The following TSC22D4 variants were observed in gnomAD, a reference collection of about 807,000 sequenced individuals.
The protein encoded by TSC22D4 is TSC22 domain family member 4.
In TSC22D4, 5 loss-of-function variants were observed where a neutral mutation model predicts 24.9. That is an observed-to-expected ratio of 0.20 (90% CI 0.10 to 0.42). The LOEUF (loss-of-function observed/expected upper bound fraction) is 0.42. TSC22D4 is among the 10% of genes least tolerant of loss of function. The probability of loss-of-function intolerance (pLI) is 1.00; values close to 1 mark genes in which losing one functional copy is unlikely to be tolerated. For synonymous variants in TSC22D4, 245 were observed against 243.2 expected, an observed-to-expected ratio of 1.01 and a Z score of -0.07; for missense variants, 469 against 547.9, an observed-to-expected ratio of 0.86 and a Z score of 1.44.
intron 3 of TSC22D4, among the ~76,000 whole-genome samples, chr7:100,473,445 T>G (rs1799429906): frequency 6.6e-6 from 1 of 151,876 alleles, no homozygotes; most frequent in Non-Finnish European, 1.5e-5. Context: ...CAGTTTTTTT[T>G]GTTGTTTTTT....
Position 100,477,617 on chromosome 7 carries a change from G to A in TSC22D4, c.422C>T (p.Pro141Leu), listed in dbSNP as rs758778059. 25 of 1,598,238 alleles carry A rather than the reference G, an allele frequency of 1.6e-5. No homozygotes were observed. The highest frequency in any genetic ancestry group is 1.7e-4 in the Middle Eastern group (1 of 6,040). Residue 141 changes from proline (P) to leucine (L), a missense_variant, in exon 2 of 5, where the codon CCG becomes CTG. Coordinates refer to ENST00000300181, the MANE Select transcript of TSC22D4 (RefSeq NM_030935.5). This position sits in a 1 kb window ranked among gnomAD's most constrained non-coding sequence, Gnocchi z 7.8. ...GGTGGGGCCCTGAGACAGGCCTGAC[G>A]GTGGGGTGGGGGCGCCCAGGCCGAG... ...ASLGLGAPTP[P>L]SGLSQGPTSW... is the part of the protein sequence containing the mutation.
At chr7:100,469,366 G>A (rs765790097) in intron 3 of TSC22D4, among the ~76,000 whole-genome samples, 6 of 152,134 alleles carry the variant, frequency 3.9e-5, no homozygotes, top group Non-Finnish European at 5.9e-5. Context: ...CTTGGAAGAG[G>A]GCTGGGAGTC....
intron 3 of TSC22D4, among the ~76,000 whole-genome samples, chr7:100,469,071 C>T (rs1467775571): frequency 6.7e-6 from 1 of 149,236 alleles, no homozygotes; most frequent in African/African-American, 2.5e-5. Flanking sequence ...ACTAAAAGTA[C>T]AAAAAATTAG....
intron 3 of TSC22D4, among the ~76,000 whole-genome samples, chr7:100,470,356 G>A (rs1160159669): frequency 1.3e-5 from 2 of 152,164 alleles, no homozygotes; most frequent in African/African-American, 2.4e-5. Flanking sequence ...GCAATGGCGG[G>A]ATTTTCCCTC....
chr7:100,478,228 G>A lies in TSC22D4; in HGVS notation c.-190C>T, dbSNP rs1799547891. The A allele has an allele frequency of 1.0e-5, 6 of 573,756 alleles. No individual in the cohort carries two copies. Among genetic ancestry groups the A allele is most frequent in the Non-Finnish European group, 1.8e-5 (6 of 324,406 alleles). The allele number at this position is 573,756 out of a possible 1,614,324, so 35.5% of individuals were successfully genotyped here. ...TGCTGGGTGAGGGGAGAAGAGGAGA[G>A]GGGAGGTGGCGGGAGGGGGGAGCAG... is the stretch of plus-strand genomic sequence containing the variant. On this transcript the variant is annotated 5_prime_UTR_variant, in exon 2 of 5. Transcript: ENST00000300181.
rs765640968 is a variant in TSC22D4, at chr7:100,467,049, G to A, written c.1098C>T (p.Arg366=). The A allele has an allele frequency of 2.6e-5, 42 of 1,613,556 alleles. No individual in the cohort carries two copies. Among genetic ancestry groups the A allele is most frequent in the Middle Eastern group, 1.6e-4 (1 of 6,078 alleles). ...AALEQENGLL[R]ALASPEQLAQ... is the part of the protein sequence containing the mutation. Reference sequence around the variant, plus strand: ...CCAGCTGCTCCGGGCTGGCCAGGGCGCGCAGCAGCCCATTCTCCTGCTCCA... The same window carrying A: ...CCAGCTGCTCCGGGCTGGCCAGGGCACGCAGCAGCCCATTCTCCTGCTCCA... Residue 366 remains arginine (R), a synonymous_variant, in exon 5 of 5, where the codon CGC becomes CGT. Coordinates refer to ENST00000300181, the MANE Select transcript of TSC22D4 (RefSeq NM_030935.5).
rs143908452 is a variant in TSC22D4, at chr7:100,467,086, C to T, written c.1061G>A (p.Arg354Gln). Reference protein sequence around the residue: ...LKEQIRELAERNAALEQENGL... With the variant: ...LKEQIRELAEQNAALEQENGL... ...ATTCTCCTGCTCCAGCGCAGCGTTC[C>T]GCTCCGCCAATTCCCGGATCTGCTC... Residue 354 changes from arginine (R) to glutamine (Q), a missense_variant, in exon 5 of 5, where the codon CGG becomes CAG. Transcript: ENST00000300181. 69 of 1,614,116 alleles carry T rather than the reference C, an allele frequency of 4.3e-5. No homozygotes were observed. The highest frequency in any genetic ancestry group is 1.6e-4 in the Middle Eastern group (1 of 6,062).
chr7:100,478,064 A>T lies in TSC22D4; in HGVS notation c.-26T>A. 2 of 1,574,678 alleles carry T rather than the reference A, an allele frequency of 1.3e-6. No individual in the cohort carries two copies. Among genetic ancestry groups the T allele is most frequent in the South Asian group, 2.3e-5 (2 of 85,574 alleles). On this transcript the variant is annotated 5_prime_UTR_variant, in exon 2 of 5. Transcript: ENST00000300181. ...GGTCCCTGGGGCTCAGGGCTGGGCC[A>T]AGGTTGGGGGTGGGTTGGGGCTCCT... is the stretch of plus-strand genomic sequence containing the variant.
At chr7:100,478,614 C>A (rs1416999605) in intron 1 of TSC22D4, among the ~76,000 whole-genome samples, 180 bp downstream of exon 1, 1 of 152,056 alleles carries the variant, frequency 6.6e-6, no homozygotes, top group Non-Finnish European at 1.5e-5. Context: ...CCCGTATTGT[C>A]CCAAGAGCTC....
intron 3 of TSC22D4, among the ~76,000 whole-genome samples, chr7:100,473,453 T>G (rs544775850): frequency 2.0e-5 from 3 of 151,958 alleles, no homozygotes; most frequent in Non-Finnish European, 4.4e-5. Context: ...TTTGTTGTTT[T>G]TTTTTTGAGG....
chr7:100,471,313 T>C (rs7794485), intron 3 of TSC22D4, among the ~76,000 whole-genome samples: 22,358 of 152,046 alleles, frequency 0.15, 1,943 homozygotes, highest in Non-Finnish European at 0.19. Flanking sequence ...TTGTAGACCA[T>C]TGCCGCCACC....
At position 100,477,889 on chromosome 7, in the gene TSC22D4, G is replaced by A. The variant is rs377683908; in HGVS notation, c.150C>T (p.Pro50=). The part of the protein sequence containing the change: ...PPRLPNGEPS[P]DPGGKGTPRN... ...GGGGGGTGCCCTTGCCCCCCGGATCGGGGCTGGGCTCCCCATTGGGCAGGC... is the reference window on the plus strand; with the variant it reads ...GGGGGGTGCCCTTGCCCCCCGGATCAGGGCTGGGCTCCCCATTGGGCAGGC... The change falls in exon 2 of 5, where the codon CCC becomes CCT. Residue 50 remains proline (P), a synonymous_variant. Transcript: ENST00000300181. The surrounding 1 kb of genome is among the most constrained non-coding windows in gnomAD (Gnocchi z 7.8). 4.9e-5 allele frequency: 77 copies of A among 1,573,288 alleles called. 1 individual carries two copies. In the South Asian group the frequency reaches 6.2e-4, roughly 13 times the overall value.
In TSC22D4 at chr7:100,466,524, G is replaced by A. The variant is rs1799279895; in HGVS notation, c.*435C>T. The A allele has an allele frequency of 1.3e-5, 2 of 159,004 alleles. No homozygotes were observed. The highest frequency in any genetic ancestry group is 2.7e-5 in the Non-Finnish European group (2 of 72,956). 9.8% of individuals were successfully genotyped at this position (159,004 alleles called of 1,614,324 possible). The stretch of plus-strand genomic sequence containing the variant: ...ACGAGATGTCAACCTCCAAATTCAA[G>A]TTTCTTCAGAGTTTTTAATTATTAT... On this transcript the variant is annotated 3_prime_UTR_variant, in exon 5 of 5. Coordinates refer to ENST00000300181, the MANE Select transcript of TSC22D4 (RefSeq NM_030935.5).
At chr7:100,473,086 G>A (rs1007529038) in intron 3 of TSC22D4, among the ~76,000 whole-genome samples, 8 of 152,164 alleles carry the variant, frequency 5.3e-5, no homozygotes, top group African/African-American at 1.9e-4. Flanking sequence ...GGCTATCTCT[G>A]ACTCACGATT....
At chr7:100,467,193 C>T (rs528201425) in intron 4 of TSC22D4, 25 bp from the exon 5 acceptor site, 7 of 1,611,972 alleles carry the variant, frequency 4.3e-6, no homozygotes, top group South Asian at 3.3e-5. Context: ...ACAGGCACAG[C>T]GTCAACGGGG....
In TSC22D4 at chr7:100,470,583, G is replaced by C. The variant is rs193008183; in HGVS notation, c.930-2983C>G. ...CTCCCATCTCAGTCCTGGGATTACA[G>C]GTGTGAGTCACTGTGCCAGGCCTCT... On this transcript the variant is annotated intron_variant, in intron 3 of 4. Transcript: ENST00000300181. Among the ~76,000 whole-genome samples, 9 of 152,294 alleles carry C rather than the reference G, an allele frequency of 5.9e-5. No individual in the cohort carries two copies. The East Asian group carries it at 1.4e-3, about 23-fold the overall frequency.
intron 3 of TSC22D4, among the ~76,000 whole-genome samples, chr7:100,471,712 C>T (rs1373768807): frequency 6.6e-6 from 1 of 152,008 alleles, no homozygotes; most frequent in Admixed American, 6.6e-5. Flanking sequence ...TGCATTCCAG[C>T]TTGGGAAACA....
chr7:100,474,433 G>C lies in TSC22D4; in HGVS notation c.770C>G (p.Pro257Arg), dbSNP rs1464366048. ...TGGGGAGCTGGGGCGAGAGTCAAGTGGGGGCACCTGGAGGCGGAGAGGTAG... is the reference window on the plus strand; with the variant it reads ...TGGGGAGCTGGGGCGAGAGTCAAGTCGGGGCACCTGGAGGCGGAGAGGTAG... ...GAPEEMGQVP[P>R]LDSRPSSPAL... Residue 257 changes from proline (P) to arginine (R), a missense_variant, in exon 3 of 5, where the codon CCA (proline) becomes CGA (arginine). Coordinates refer to ENST00000300181, the MANE Select transcript of TSC22D4 (RefSeq NM_030935.5). The surrounding 1 kb of genome is among the most constrained non-coding windows in gnomAD (Gnocchi z 4.3). 6.2e-7 allele frequency: 1 copy of C among 1,613,802 alleles called. No individual in the cohort carries two copies. The highest frequency in any genetic ancestry group is 1.1e-5 in the South Asian group (1 of 91,058).
At chr7:100,476,125 C>G (rs887600572) in intron 2 of TSC22D4, among the ~76,000 whole-genome samples, 2 of 151,048 alleles carry the variant, frequency 1.3e-5, no homozygotes, top group Non-Finnish European at 2.9e-5. Context: ...AGCAGGGAAG[C>G]TGGAGGCCAA....
Sources: gnomAD v4.1 joint callset for allele counts (sites outside exome capture counted in the v4.1 genomes callset) on GRCh38, gnomAD v4.1.1 for gene constraint, Gnocchi (gnomAD v3.1) non-coding constraint, MANE v1.5 for transcripts, NCBI Gene and HGNC (gene_info 2026-07-23, HGNC 2026-07-21) for gene names.